The following POLR3B variants were observed in gnomAD, a reference collection of about 807,000 sequenced individuals.
POLR3B encodes the protein DNA-directed RNA polymerase III subunit RPC2.
In POLR3B, 96 loss-of-function variants were observed where a neutral mutation model predicts 147.4. The ratio of observed to expected loss-of-function variants is 0.65; its 90% CI spans 0.55 to 0.77. The LOEUF is 0.77. Among genes scored for constraint, POLR3B ranks in the 30% least tolerant of loss-of-function variants. The probability of loss-of-function intolerance (pLI) is 0.00; values close to 1 mark genes in which losing one functional copy is unlikely to be tolerated. For synonymous variants in POLR3B, 461 were observed against 485.9 expected, an observed-to-expected ratio of 0.95 and a Z score of 0.67; for missense variants, 1,036 against 1,413.5, an observed-to-expected ratio of 0.73 and a Z score of 4.28.
At position 106,376,592 on chromosome 12, in the gene POLR3B, C is replaced by T. The variant is rs571789611; in HGVS notation, c.496+142C>T. 2.0e-5 allele frequency: 14 copies of T among 702,902 alleles called. No homozygotes were observed. In the East Asian group the frequency reaches 3.8e-4, roughly 19 times the overall value. 43.5% of individuals were successfully genotyped at this position (702,902 alleles called of 1,614,324 possible). A position where few individuals can be genotyped will look rare whatever the true frequency, so the allele number is the denominator to read the frequency against. On this transcript the variant is annotated intron_variant, in intron 7 of 27. Coordinates refer to ENST00000228347, the MANE Select transcript of POLR3B (RefSeq NM_018082.6). ...GTTCACAAAACACCCAGAAATTTGT[C>T]TCTAGCTTTATGCTACTAGTCTGTA...
At chr12:106,384,903 A>C (rs2036814269) in intron 9 of POLR3B, among the ~76,000 whole-genome samples, 1 of 151,452 alleles carries the variant, frequency 6.6e-6, no homozygotes, top group African/African-American at 2.4e-5. Context: ...TCTCAGCTTA[A>C]TGCAACTTCC....
chr12:106,450,898 T>C (rs1300220000), intron 19 of POLR3B, among the ~76,000 whole-genome samples: 5 of 152,316 alleles, frequency 3.3e-5, no homozygotes, highest in South Asian at 2.1e-4. Flanking sequence ...CATGAATGTT[T>C]ATAGCAGTTT....
intron 12 of POLR3B, among the ~76,000 whole-genome samples, chr12:106,417,801 C>T (rs900840827): frequency 5.3e-5 from 8 of 151,462 alleles, no homozygotes; most frequent in East Asian, 1.9e-4. Context: ...TTTTTTACTT[C>T]GGAAAAACCA....
chr12:106,411,407 G>A (rs1009687797), intron 12 of POLR3B, among the ~76,000 whole-genome samples: 1 of 152,130 alleles, frequency 6.6e-6, no homozygotes, highest in African/African-American at 2.4e-5. Flanking sequence ...CAAAGTGCTG[G>A]GATTACAGGC....
chr12:106,479,696 A>T (rs1481445008), intron 23 of POLR3B, among the ~76,000 whole-genome samples: 2 of 151,906 alleles, frequency 1.3e-5, no homozygotes, highest in South Asian at 4.1e-4. Flanking sequence ...TCTTTCTCTT[A>T]TAGCAAGAAG....
intron 9 of POLR3B, among the ~76,000 whole-genome samples, chr12:106,390,400 C>T (rs2136914289): frequency 6.6e-6 from 1 of 151,668 alleles, no homozygotes; most frequent in Middle Eastern, 3.4e-3. Context: ...ACTTGCAGAC[C>T]AAAGAGAAAG....
At chr12:106,495,919 T>C (rs1317759656) in intron 23 of POLR3B, 136 bp from the exon 24 acceptor site, 1 of 764,680 alleles carries the variant, frequency 1.3e-6, no homozygotes, top group Non-Finnish European at 2.4e-6. Flanking sequence ...ATCACTTTTG[T>C]TGCTCTTGAT....
At chr12:106,419,755 CT>C (rs200074755) in intron 12 of POLR3B, among the ~76,000 whole-genome samples, 22 of 66,994 alleles carry the variant, frequency 3.3e-4, no homozygotes, top group South Asian at 4.9e-4. Context: ...AAGAAGTCTA[CT>C]TTTTTTTTAT....
intron 8 of POLR3B, among the ~76,000 whole-genome samples, chr12:106,379,681 G>A (rs1049538122): frequency 6.6e-6 from 1 of 152,136 alleles, no homozygotes; most frequent in Non-Finnish European, 1.5e-5. Context: ...TCCTCATTAT[G>A]TTTAAGGCCC....
chr12:106,445,189 G>A (rs183332824), intron 19 of POLR3B, among the ~76,000 whole-genome samples: 1 of 152,206 alleles, frequency 6.6e-6, no homozygotes, highest in Admixed American at 6.5e-5. Flanking sequence ...GAGCATAACT[G>A]TAGACTAGAC....
chr12:106,502,988 G>C (rs1392565024), intron 26 of POLR3B, among the ~76,000 whole-genome samples: 1 of 152,138 alleles, frequency 6.6e-6, no homozygotes, highest in Non-Finnish European at 1.5e-5. Context: ...TTTGTCTGTA[G>C]TTGGTTATCT....
intron 2 of POLR3B, 42 bp from the exon 3 acceptor site, chr12:106,366,474 C>T (rs768536925): frequency 1.0e-5 from 14 of 1,349,458 alleles, no homozygotes; most frequent in Non-Finnish European, 1.4e-5. Context: ...GTACTCTTTG[C>T]ACTTTTGCTA....
intron 18 of POLR3B, among the ~76,000 whole-genome samples, chr12:106,441,194 T>G (rs1391478109): frequency 6.6e-6 from 1 of 152,214 alleles, no homozygotes; most frequent in Non-Finnish European, 1.5e-5. Context: ...TTAACCAGTA[T>G]ACTCTGGACA....
rs1248800187 is a variant in POLR3B, at chr12:106,392,908, T to C, written c.724-123T>C. ...GCTGCCAATGCCAGATGGCACCATT[T>C]CTGAGAGAAGAGCTAGCTTTTGCTT... On this transcript the variant is annotated intron_variant, in intron 9 of 27. Transcript: ENST00000228347. 10 of 1,249,140 alleles carry C rather than the reference T, an allele frequency of 8.0e-6. No homozygotes were observed. The Admixed American group carries it at 1.8e-4, about 23-fold the overall frequency. The allele number at this position is 1,249,140 out of a possible 1,614,324, so 77.4% of individuals were successfully genotyped here.
chr12:106,397,288 C>G (rs1047444259), intron 10 of POLR3B, among the ~76,000 whole-genome samples: 3 of 152,148 alleles, frequency 2.0e-5, no homozygotes, highest in African/African-American at 7.2e-5. Flanking sequence ...TGTCAACACT[C>G]TTACTTGGTT....
At chr12:106,508,894 A>G (rs1369200251) in intron 27 of POLR3B, among the ~76,000 whole-genome samples, 2 of 152,222 alleles carry the variant, frequency 1.3e-5, no homozygotes, top group East Asian at 3.8e-4. Flanking sequence ...GTCCTATTCA[A>G]AAGTCTTGTC....
intron 1 of POLR3B, chr12:106,358,217 G>T: frequency 7.1e-7 from 1 of 1,401,782 alleles, no homozygotes; most frequent in Non-Finnish European, 9.3e-7. Context: ...AGCTCTTCCA[G>T]CATAGGTGTG....
chr12:106,447,576 A>G (rs1314868418), intron 19 of POLR3B, among the ~76,000 whole-genome samples: 1 of 152,148 alleles, frequency 6.6e-6, no homozygotes, highest in Non-Finnish European at 1.5e-5. Context: ...CTCGCTCAGC[A>G]CTACCAGGAA....
At chr12:106,482,497 A>G (rs1306969113) in intron 23 of POLR3B, among the ~76,000 whole-genome samples, 1 of 151,748 alleles carries the variant, frequency 6.6e-6, no homozygotes, top group Non-Finnish European at 1.5e-5. Context: ...CGGCCAGAGC[A>G]GGAGGAAGAG....
Sources: gnomAD v4.1 joint callset for allele counts (sites outside exome capture counted in the v4.1 genomes callset) on GRCh38, gnomAD v4.1.1 for gene constraint, MANE v1.5 for transcripts, NCBI Gene and HGNC (gene_info 2026-07-23, HGNC 2026-07-21) for gene names.